FAAH2: variants seen among roughly 807,000 people sequenced by gnomAD.
FAAH2 encodes fatty acid amide hydrolase 2, also known as fatty-acid amide hydrolase 2.
A neutral mutation model predicts 36.9 loss-of-function variants in FAAH2; 60 were observed. That is an observed-to-expected ratio of 1.63 (90% CI 1.32 to 2.02). The LOEUF is 2.02. FAAH2 is among the 30% of genes most tolerant of loss of function. The probability of loss-of-function intolerance (pLI) is 0.00; values close to 1 mark genes in which losing one functional copy is unlikely to be tolerated. For missense variants in FAAH2, 689 were observed against 397.5 expected (o/e 1.73, Z -6.23); for synonymous variants, 214 against 143.8 (o/e 1.49, Z -3.49).
chrX:57,137,167 A>G, the FAAH2 span: 1 of 747,859 alleles, frequency 1.3e-6, no homozygotes, highest in East Asian at 1.5e-4. Context: ...ATTCCTTCCC[A>G]TCCCCCTCTC....
chrX:57,146,692 G>A, the FAAH2 span, among the ~76,000 whole-genome samples: 1 of 111,940 alleles, frequency 8.9e-6, no homozygotes, highest in Non-Finnish European at 1.9e-5. Flanking sequence ...TATAATGTTG[G>A]CTGTGTGTTT....
chrX:57,160,128 G>A, the FAAH2 span, among the ~76,000 whole-genome samples: 1 of 111,634 alleles, frequency 9.0e-6, no homozygotes, highest in African/African-American at 3.3e-5. Flanking sequence ...CTGTTTATAT[G>A]CTGGATTACG....
chrX:57,169,500 AT>A, the FAAH2 span, among the ~76,000 whole-genome samples: 1 of 152 alleles, frequency 6.6e-3, no homozygotes, highest in Non-Finnish European at 0.026. Context: ...ACACCAGTAT[AT>A]ATATATATAT....
At chrX:57,287,131 G>A in intron 1 of FAAH2, 114 bp downstream of exon 1, 1 of 773,408 alleles carries the variant, frequency 1.3e-6, no homozygotes, top group South Asian at 3.6e-5. Flanking sequence ...GGCGACTTAG[G>A]AGAGGCATTT....
At chrX:57,342,126 A>C (rs2053702212) in intron 5 of FAAH2, among the ~76,000 whole-genome samples, 1 of 111,976 alleles carries the variant, frequency 8.9e-6, no homozygotes, top group African/African-American at 3.2e-5. Context: ...TCATTTGATC[A>C]TGGTTTTTAG....
chrX:57,323,380 C>T (rs1460405031), intron 3 of FAAH2, among the ~76,000 whole-genome samples: 1 of 111,592 alleles, frequency 9.0e-6, no homozygotes, highest in Non-Finnish European at 1.9e-5. Context: ...AATGGTATTT[C>T]TAGTTCTAGA....
intron 2 of FAAH2, among the ~76,000 whole-genome samples, chrX:57,292,954 G>A (rs1256517813): frequency 9.0e-6 from 1 of 111,655 alleles, no homozygotes; most frequent in African/African-American, 3.3e-5. Context: ...TTTTGAATGT[G>A]TATTTAGCAT....
At chrX:57,244,751 T>C in the FAAH2 span, among the ~76,000 whole-genome samples, 1 of 111,449 alleles carries the variant, frequency 9.0e-6, no homozygotes, top group South Asian at 3.8e-4. Flanking sequence ...AAAAGGAACA[T>C]CTGGAACCAG....
At chrX:57,228,039 C>G in the FAAH2 span, among the ~76,000 whole-genome samples, 1 of 111,985 alleles carries the variant, frequency 8.9e-6, no homozygotes, top group Admixed American at 9.4e-5. Context: ...AAGGGCCAGT[C>G]AGGCTTGAAA....
intron 10 of FAAH2, among the ~76,000 whole-genome samples, chrX:57,468,632 T>G (rs1016069137): frequency 1.8e-5 from 2 of 112,007 alleles, no homozygotes; most frequent in African/African-American, 3.2e-5. Flanking sequence ...CTGGTGTACC[T>G]GAAACTGACG....
intron 10 of FAAH2, among the ~76,000 whole-genome samples, chrX:57,457,977 C>T (rs900741347): frequency 9.0e-6 from 1 of 111,634 alleles, no homozygotes; most frequent in African/African-American, 3.3e-5. Flanking sequence ...AAAAAAGAAC[C>T]TCAACAGCTA....
chrX:57,389,384 C>T (rs1436183134), intron 7 of FAAH2, among the ~76,000 whole-genome samples: 1 of 106,135 alleles, frequency 9.4e-6, no homozygotes, highest in African/African-American at 3.4e-5. Context: ...ATCCCCTTAC[C>T]CCACCCCAAT....
At chrX:57,259,841 G>A in the FAAH2 span, among the ~76,000 whole-genome samples, 1 of 111,600 alleles carries the variant, frequency 9.0e-6, no homozygotes, top group Non-Finnish European at 1.9e-5. Flanking sequence ...AACAAAGCTG[G>A]AAAAAATATT....
chrX:57,238,427 T>C, the FAAH2 span, among the ~76,000 whole-genome samples: 1 of 111,260 alleles, frequency 9.0e-6, no homozygotes, highest in African/African-American at 3.3e-5. Flanking sequence ...TTCTCACTTA[T>C]AATTGGGGGC....
chrX:57,322,620 C>T (rs1164656833), intron 3 of FAAH2, among the ~76,000 whole-genome samples: 1 of 110,980 alleles, frequency 9.0e-6, no homozygotes, highest in African/African-American at 3.3e-5. Context: ...TTCTCTTTTT[C>T]TTTTCTGGAA....
chrX:57,257,557 A>G, the FAAH2 span, among the ~76,000 whole-genome samples: 2 of 109,280 alleles, frequency 1.8e-5, no homozygotes, highest in Non-Finnish European at 3.8e-5. Context: ...GTGGGGGTCT[A>G]GGGGAGGGAT....
At position 57,393,812 on chromosome X, in the gene FAAH2, G is replaced by A. The variant is rs188786558; in HGVS notation, c.996+12783G>A. 97 of 865,432 alleles carry A rather than the reference G, an allele frequency of 1.1e-4. 1 individual carries two copies. Among genetic ancestry groups the A allele is most frequent in the Middle Eastern group, 1.1e-3 (4 of 3,585 alleles). The allele number at this position is 865,432 out of a possible 1,213,427, so 71.3% of individuals were successfully genotyped here. A position where few individuals can be genotyped will look rare whatever the true frequency, so the allele number is the denominator to read the frequency against. ...TTTCTTCGTTGGAGCCTGTCCAATC[G>A]TGATCTTCCTCAGGAATCTATCATT... On this transcript the variant is annotated intron_variant, in intron 7 of 10. Coordinates refer to ENST00000374900, the MANE Select transcript of FAAH2 (RefSeq NM_174912.4).
chrX:57,459,546 A>G (rs1196714528), intron 10 of FAAH2, among the ~76,000 whole-genome samples: 1 of 112,265 alleles, frequency 8.9e-6, no homozygotes, highest in Admixed American at 9.4e-5. Flanking sequence ...GTGCCTCGTG[A>G]CTGGGATAGA....
At chrX:57,439,728 G>A (rs185849725) in intron 8 of FAAH2, among the ~76,000 whole-genome samples, 23 of 111,857 alleles carry the variant, frequency 2.1e-4, no homozygotes, top group Non-Finnish European at 3.4e-4. Flanking sequence ...GGTTTTTATG[G>A]TTTTAGGTCT....
Sources: gnomAD v4.1 joint callset for allele counts (sites outside exome capture counted in the v4.1 genomes callset) on GRCh38, gnomAD v4.1.1 for gene constraint, MANE v1.5 for transcripts, NCBI Gene and HGNC (gene_info 2026-07-23, HGNC 2026-07-21) for gene names.